Variants in EXOC6B observed in about 807,000 individuals in gnomAD.
The protein encoded by EXOC6B is SEC15 homolog B.
A neutral mutation model predicts 113.5 loss-of-function variants in EXOC6B; 54 were observed. The observed-to-expected ratio is 0.48, with a 90% confidence interval of 0.38 to 0.60. The LOEUF (loss-of-function observed/expected upper bound fraction) is 0.60. Ranked by LOEUF, EXOC6B falls within the 20% of genes least tolerant of loss-of-function variation. EXOC6B has a pLI of 0.00. For missense variants in EXOC6B, 797 were observed against 977.5 expected, an observed-to-expected ratio of 0.82 and a Z score of 2.46; for synonymous variants, 357 against 339.0, an observed-to-expected ratio of 1.05 and a Z score of -0.58.
intron 18 of EXOC6B, among the ~76,000 whole-genome samples, chr2:72,392,727 A>G (rs1334508655): frequency 6.6e-6 from 1 of 152,220 alleles, no homozygotes; most frequent in Non-Finnish European, 1.5e-5. Context: ...GTTTTGTTCT[A>G]GCAGACAGTT....
chr2:72,735,764 G>A (rs777027709), intron 2 of EXOC6B, among the ~76,000 whole-genome samples: 3 of 152,016 alleles, frequency 2.0e-5, no homozygotes, highest in Non-Finnish European at 4.4e-5. Context: ...GGGTTGCAGG[G>A]GTGGAGATTG....
rs1237385156 is a variant in EXOC6B at position 72,823,459 on chromosome 2, G to GAAAAA, written c.113+2334_113+2338dup. Among the ~76,000 whole-genome samples, 540 of 69,938 alleles carry GAAAAA rather than the reference G, an allele frequency of 7.7e-3. 68 individuals are homozygous for GAAAAA. The highest frequency in any genetic ancestry group is 0.018 in the Admixed American group (91 of 5,196). 45.9% of individuals were successfully genotyped at this position (69,938 alleles called of 152,430 possible). On this transcript the variant is annotated intron_variant, in intron 1 of 21. Transcript: ENST00000272427. ...CCAACTTCTCAAATCAAAGTTTTAA[G>GAAAAA]AAAAAAAAAAAAAAAAAAACAAAAA... is the stretch of plus-strand genomic sequence containing the variant.
intron 6 of EXOC6B, among the ~76,000 whole-genome samples, chr2:72,658,915 T>C (rs1158657724): frequency 6.6e-6 from 1 of 152,102 alleles, no homozygotes; most frequent in Non-Finnish European, 1.5e-5. Flanking sequence ...GATGTCTTTT[T>C]ACAGAAAATT....
In EXOC6B at chr2:72,825,930, G is replaced by A; in HGVS notation, c.-20C>T. 1 of 1,610,342 alleles carries A rather than the reference G, an allele frequency of 6.2e-7. No individual in the cohort carries two copies. ...CTCCATAGACTGGGGGCGCCCCGCA[G>A]CGCGTCCCCTCCGTCGGCTCGGCTC... On this transcript the variant is annotated 5_prime_UTR_variant, in exon 1 of 22. Coordinates refer to ENST00000272427, the MANE Select transcript of EXOC6B (RefSeq NM_015189.3). The surrounding 1 kb of genome is among the most constrained non-coding windows in gnomAD (Gnocchi z 4.4).
chr2:72,810,326 C>A (rs1204003111), intron 1 of EXOC6B, among the ~76,000 whole-genome samples: 1 of 145,544 alleles, frequency 6.9e-6, no homozygotes, highest in East Asian at 2.0e-4. Flanking sequence ...GAAAGCGAGA[C>A]CTTGTCTCTA....
At chr2:72,436,977 A>C (rs1371415483) in intron 18 of EXOC6B, among the ~76,000 whole-genome samples, 1 of 152,170 alleles carries the variant, frequency 6.6e-6, no homozygotes, top group Non-Finnish European at 1.5e-5. Flanking sequence ...GGAGGAGAAG[A>C]GGCATTCTGA....
rs539220881 is a variant in EXOC6B, at chr2:72,368,763, C to G, written c.2122+10966G>C. ...ATATAAACAGAACCAATGACAAAAA[C>G]CACATGATTATCTCAATAGATGCAG... On this transcript the variant is annotated intron_variant, in intron 19 of 21. Transcript: ENST00000272427. 2.6e-5 allele frequency among the ~76,000 whole-genome samples: 4 copies of G among 152,254 alleles called. No individual in the cohort carries two copies. In the East Asian group the frequency reaches 5.8e-4, roughly 22 times the overall value.
chr2:72,593,288 A>G (rs928826349), intron 6 of EXOC6B, among the ~76,000 whole-genome samples: 9 of 152,128 alleles, frequency 5.9e-5, no homozygotes, highest in Non-Finnish European at 1.2e-4. Context: ...AGCACATAAT[A>G]AAACCTGAGG....
At chr2:72,480,847 T>A in intron 16 of EXOC6B, 97 bp from the exon 17 acceptor site, 3 of 1,264,810 alleles carry the variant, frequency 2.4e-6, no homozygotes, top group Non-Finnish European at 1.1e-6. Flanking sequence ...ATGTAAGGCA[T>A]AATGGAAAAG....
At chr2:72,655,335 A>AT (rs886962122) in intron 6 of EXOC6B, among the ~76,000 whole-genome samples, 70 of 152,256 alleles carry the variant, frequency 4.6e-4, no homozygotes, top group African/African-American at 1.6e-3. Context: ...AATTCTTTAA[A>AT]TTTATAGATT....
At chr2:72,343,721 A>G (rs1417891462) in intron 19 of EXOC6B, among the ~76,000 whole-genome samples, 3 of 152,266 alleles carry the variant, frequency 2.0e-5, no homozygotes, top group Non-Finnish European at 4.4e-5. Flanking sequence ...ATATAAAATT[A>G]TATGTATAAA....
intron 6 of EXOC6B, among the ~76,000 whole-genome samples, chr2:72,590,531 T>C (rs1705873630): frequency 6.6e-6 from 1 of 151,992 alleles, no homozygotes; most frequent in Non-Finnish European, 1.5e-5. Flanking sequence ...CCTAGCTTTG[T>C]CCACATTGAG....
chr2:72,527,288 A>G (rs1415278859), intron 8 of EXOC6B, among the ~76,000 whole-genome samples: 1 of 152,020 alleles, frequency 6.6e-6, no homozygotes, highest in East Asian at 1.9e-4. Context: ...TTTTAGGAGT[A>G]CGGAAAGGAG....
At chr2:72,254,371 A>G (rs1391097828) in intron 20 of EXOC6B, among the ~76,000 whole-genome samples, 1 of 152,178 alleles carries the variant, frequency 6.6e-6, no homozygotes, top group Non-Finnish European at 1.5e-5. Flanking sequence ...AGGAATTCTA[A>G]AAACCATTAG....
intron 17 of EXOC6B, among the ~76,000 whole-genome samples, chr2:72,467,670 C>T (rs577275995): frequency 6.2e-4 from 94 of 152,212 alleles, no homozygotes; most frequent in African/African-American, 2.0e-3. Context: ...ATTTTCTCAT[C>T]GGGTTGTTTT....
At chr2:72,659,168 T>C (rs1000417520) in intron 6 of EXOC6B, among the ~76,000 whole-genome samples, 3 of 152,116 alleles carry the variant, frequency 2.0e-5, no homozygotes, top group Non-Finnish European at 2.9e-5. Flanking sequence ...TACAGTCTTT[T>C]GACTACATTT....
intron 18 of EXOC6B, among the ~76,000 whole-genome samples, chr2:72,395,869 A>C (rs1403479815): frequency 6.6e-6 from 1 of 152,106 alleles, no homozygotes; most frequent in Non-Finnish European, 1.5e-5. Flanking sequence ...AGTGTATGGC[A>C]CATAATTGGG....
chr2:72,485,386 G>A (rs942970181), intron 16 of EXOC6B, among the ~76,000 whole-genome samples: 11 of 152,174 alleles, frequency 7.2e-5, no homozygotes, highest in African/African-American at 1.9e-4. Context: ...GGAAGAAAAT[G>A]AGAAGTCACA....
chr2:72,789,353 T>C (rs780456868), intron 1 of EXOC6B, among the ~76,000 whole-genome samples: 5 of 152,160 alleles, frequency 3.3e-5, no homozygotes, highest in Non-Finnish European at 7.3e-5. Flanking sequence ...CTCTACCTAC[T>C]TCATCCCCAC....
Sources: allele counts gnomAD v4.1 joint callset (sites outside exome capture counted in the v4.1 genomes callset), GRCh38; gene constraint gnomAD v4.1.1; non-coding constraint Gnocchi (gnomAD v3.1); transcripts MANE v1.5; gene names NCBI Gene and HGNC (gene_info 2026-07-23, HGNC 2026-07-21).